Variants in TBC1D30 observed in about 807,000 individuals in gnomAD.
TBC1D30 encodes the protein TBC1 domain family, member 30.
TBC1D30 carries 31 observed loss-of-function variants against 63.2 expected under a neutral mutation model. The ratio of observed to expected loss-of-function variants is 0.49; its 90% CI spans 0.37 to 0.66. TBC1D30 has a LOEUF of 0.66. TBC1D30 is among the 30% of genes least tolerant of loss of function. The pLI, the probability that TBC1D30 is intolerant of heterozygous loss-of-function variation, is 0.00. For synonymous variants in TBC1D30, 307 were observed against 361.5 expected (o/e 0.85, Z 1.71); for missense variants, 810 against 953.6 (o/e 0.85, Z 1.98).
chr12:64,770,397 G>A (rs753399245), intron 1 of TBC1D30, among the ~76,000 whole-genome samples: 2 of 152,182 alleles, frequency 1.3e-5, no homozygotes, highest in Non-Finnish European at 2.9e-5. Context: ...TGGGATTTGG[G>A]AAGTAGCCAG....
At chr12:64,824,614 C>T, upstream of TBC1D30, 1 of 377,852 alleles carries the variant, frequency 2.6e-6, no homozygotes. Context: ...TCGCTCGCTC[C>T]CGCCCTCCCC....
At chr12:64,779,547 T>G (rs981556389), upstream of TBC1D30, among the ~76,000 whole-genome samples, 6 of 152,122 alleles carry the variant, frequency 3.9e-5, no homozygotes, top group Non-Finnish European at 7.4e-5. Flanking sequence ...TACACCAGAT[T>G]TCTACCGGCA....
intron 1 of TBC1D30, chr12:64,768,344 T>A (rs1201342625): frequency 1.3e-5 from 2 of 151,446 alleles, no homozygotes; most frequent in African/African-American, 4.9e-5. Context: ...AATTCAATTG[T>A]TTTTTCTTTT....
At chr12:64,797,423 T>G (rs2136311301) in intron 2 of TBC1D30, among the ~76,000 whole-genome samples, 1 of 152,326 alleles carries the variant, frequency 6.6e-6, no homozygotes, top group Non-Finnish European at 1.5e-5. Context: ...TGTACATATT[T>G]AACTTATTTA....
intron 1 of TBC1D30, among the ~76,000 whole-genome samples, chr12:64,772,125 C>T (rs1277080854): frequency 1.3e-5 from 2 of 150,282 alleles, no homozygotes; most frequent in African/African-American, 4.9e-5. Context: ...CGTGGTGGCA[C>T]ATGCCCGAGG....
intron 1 of TBC1D30, among the ~76,000 whole-genome samples, chr12:64,764,496 GCTAAAAACAA>G (rs1565632697): frequency 6.6e-6 from 1 of 152,108 alleles, no homozygotes; most frequent in Non-Finnish European, 1.5e-5. Flanking sequence ...TAATTCTCTT[GCTAAAAACAA>G]CTAGAAAACA....
upstream of TBC1D30, among the ~76,000 whole-genome samples, chr12:64,822,048 C>T (rs1379513552): frequency 2.0e-5 from 3 of 152,202 alleles, no homozygotes; most frequent in African/African-American, 7.2e-5. Context: ...ACAGCTCATT[C>T]TTAGGGTTGC....
At chr12:64,802,333 C>G (rs1026688468) in intron 2 of TBC1D30, among the ~76,000 whole-genome samples, 1 of 152,008 alleles carries the variant, frequency 6.6e-6, no homozygotes, top group Non-Finnish European at 1.5e-5. Flanking sequence ...TATCTGGGCC[C>G]TCGAGCTCTG....
chr12:64,872,959 C>T (rs557240929), intron 11 of TBC1D30, among the ~76,000 whole-genome samples: 6 of 152,270 alleles, frequency 3.9e-5, no homozygotes, highest in South Asian at 2.1e-4. Flanking sequence ...GTCCCTCCTA[C>T]AACACGTGGG....
At chr12:64,778,124 G>A (rs1280921851), upstream of TBC1D30, among the ~76,000 whole-genome samples, 1 of 152,210 alleles carries the variant, frequency 6.6e-6, no homozygotes, top group Admixed American at 6.5e-5. Context: ...CCAGTTTCCT[G>A]GTGGCAGTAG....
chr12:64,790,699 T>G (rs1250807471), intron 2 of TBC1D30, among the ~76,000 whole-genome samples: 1 of 152,234 alleles, frequency 6.6e-6, no homozygotes, highest in Non-Finnish European at 1.5e-5. Flanking sequence ...AATCTTACTA[T>G]GATAAATGCC....
intron 1 of TBC1D30, among the ~76,000 whole-genome samples, chr12:64,783,781 T>C (rs1392909517): frequency 1.3e-5 from 2 of 150,826 alleles, no homozygotes; most frequent in Non-Finnish European, 2.9e-5. Context: ...AAAAGTATAA[T>C]TTAAATGTTT....
chr12:64,824,280 G>A (rs1358842894), upstream of TBC1D30, among the ~76,000 whole-genome samples: 2 of 151,910 alleles, frequency 1.3e-5, no homozygotes, highest in Non-Finnish European at 1.5e-5. Context: ...AACGCAATTC[G>A]GGCTGAAGCG....
chr12:64,767,450 A>C (rs1870752403), intron 1 of TBC1D30, among the ~76,000 whole-genome samples: 1 of 152,156 alleles, frequency 6.6e-6, no homozygotes, highest in African/African-American at 2.4e-5. Context: ...AGACAAAATC[A>C]ATATGACTAC....
At position 64,876,059 on chromosome 12, in the gene TBC1D30, A is replaced by G. The variant is rs1275041280; in HGVS notation, c.*271A>G. ...GAAGTTTTCCCAATTTTTCATTGTG[A>G]GCTGTTTAAAAAAGACTATATCTAG... is the stretch of plus-strand genomic sequence containing the variant. On this transcript the variant is annotated 3_prime_UTR_variant, in exon 12 of 12. Coordinates refer to ENST00000539867, the MANE Select transcript of TBC1D30 (RefSeq NM_015279.2). 1.0e-5 allele frequency: 4 copies of G among 393,106 alleles called. No homozygotes were observed. Among genetic ancestry groups the G allele is most frequent in the Admixed American group, 4.3e-5 (1 of 23,450 alleles). The allele number at this position is 393,106 out of a possible 1,614,324, so 24.4% of individuals were successfully genotyped here.
chr12:64,848,581 A>G (rs1876593412), intron 8 of TBC1D30, among the ~76,000 whole-genome samples: 1 of 152,140 alleles, frequency 6.6e-6, no homozygotes, highest in Non-Finnish European at 1.5e-5. Context: ...AGCTTCGTCC[A>G]TGTCCCTGCA....
rs1358893021 is a variant in TBC1D30, at chr12:64,864,779, G to C, written c.1150G>C (p.Gly384Arg). ...PATVKPTSVS[G>R]RHSKARDSDE... ...CACAGTTAAACCCACCTCAGTTTCT[G>C]GGTAAGGTTTTTAAATTCCTTGTTG... Residue 384 changes from glycine to arginine, a missense_variant and splice_region_variant, in exon 9 of 12, where the codon GGA becomes CGA. Coordinates refer to ENST00000539867, the MANE Select transcript of TBC1D30 (RefSeq NM_015279.2). 9 of 1,532,638 alleles carry C rather than the reference G, an allele frequency of 5.9e-6. No homozygotes were observed. The highest frequency in any genetic ancestry group is 7.9e-6 in the Non-Finnish European group (9 of 1,144,362). 94.9% of individuals were successfully genotyped at this position (1,532,638 alleles called of 1,614,324 possible).
chr12:64,863,873 A>T (rs1877994061), intron 8 of TBC1D30, among the ~76,000 whole-genome samples: 2 of 152,248 alleles, frequency 1.3e-5, no homozygotes, highest in Non-Finnish European at 2.9e-5. Flanking sequence ...GCTTCCCAGG[A>T]GAAATGAACA....
intron 8 of TBC1D30, among the ~76,000 whole-genome samples, chr12:64,858,238 TG>T (rs1369463061): frequency 6.6e-6 from 1 of 152,252 alleles, no homozygotes; most frequent in Non-Finnish European, 1.5e-5. Context: ...AAACATTTAT[TG>T]AGAATCCATG....
Sources: gnomAD v4.1 joint callset for allele counts (sites outside exome capture counted in the v4.1 genomes callset) on GRCh38, gnomAD v4.1.1 for gene constraint, MANE v1.5 for transcripts, NCBI Gene and HGNC (gene_info 2026-07-23, HGNC 2026-07-21) for gene names.